The following SLCO3A1 variants were observed in gnomAD, a reference collection of about 807,000 sequenced individuals.
SLCO3A1 encodes the protein PGE1 transporter.
A neutral mutation model predicts 63.1 loss-of-function variants in SLCO3A1; 27 were observed. The observed-to-expected ratio is 0.43, with a 90% confidence interval of 0.32 to 0.59. The LOEUF (loss-of-function observed/expected upper bound fraction) is 0.59. SLCO3A1 is among the 20% of genes least tolerant of loss of function. The probability of loss-of-function intolerance (pLI) is 0.09; values close to 1 mark genes in which losing one functional copy is unlikely to be tolerated. For missense variants in SLCO3A1, 773 were observed against 945.8 expected, an observed-to-expected ratio of 0.82 and a Z score of 2.40; for synonymous variants, 473 against 409.9, an observed-to-expected ratio of 1.15 and a Z score of -1.86.
At chr15:92,148,475 G>C (rs1246875577) in intron 8 of SLCO3A1, among the ~76,000 whole-genome samples, 1 of 152,140 alleles carries the variant, frequency 6.6e-6, no homozygotes, top group Non-Finnish European at 1.5e-5. Context: ...AATGTGCAGA[G>C]CATTAGGGTA....
intron 2 of SLCO3A1, among the ~76,000 whole-genome samples, chr15:91,980,717 C>T (rs1457553476): frequency 6.6e-6 from 1 of 152,094 alleles, no homozygotes; most frequent in Non-Finnish European, 1.5e-5. Context: ...GAGTGTGTCT[C>T]TTGGTGCCCT....
chr15:91,895,901 A>G (rs1257845545), intron 1 of SLCO3A1, among the ~76,000 whole-genome samples: 1 of 152,256 alleles, frequency 6.6e-6, no homozygotes, highest in Non-Finnish European at 1.5e-5. Flanking sequence ...TTTCAAAACT[A>G]GGCAGTGTCA....
At chr15:92,144,579 C>T (rs915009743) in intron 7 of SLCO3A1, among the ~76,000 whole-genome samples, 6 of 152,154 alleles carry the variant, frequency 3.9e-5, no homozygotes, top group Non-Finnish European at 8.8e-5. Context: ...AGAGGTTCTG[C>T]CTGTGTCTGT....
chr15:91,990,761 C>T (rs1187899872), intron 2 of SLCO3A1, among the ~76,000 whole-genome samples: 1 of 152,124 alleles, frequency 6.6e-6, no homozygotes, highest in African/African-American at 2.4e-5. Context: ...GACGCATTTG[C>T]TGTTGCCTAG....
chr15:91,964,635 C>T (rs1489114571), intron 2 of SLCO3A1, among the ~76,000 whole-genome samples: 1 of 152,086 alleles, frequency 6.6e-6, no homozygotes, highest in Non-Finnish European at 1.5e-5. Flanking sequence ...GGAAGTGGCA[C>T]CTCATTGGCC....
At chr15:92,008,901 A>G (rs193246686) in intron 2 of SLCO3A1, among the ~76,000 whole-genome samples, 8 of 152,334 alleles carry the variant, frequency 5.3e-5, no homozygotes, top group African/African-American at 1.4e-4. Flanking sequence ...CTGTCTACCA[A>G]GAAGAGCAAT....
chr15:92,067,455 A>G (rs1382680302), intron 2 of SLCO3A1, among the ~76,000 whole-genome samples: 2 of 152,236 alleles, frequency 1.3e-5, no homozygotes, highest in African/African-American at 2.4e-5. Flanking sequence ...AATGACATTA[A>G]GAGACTGAAC....
chr15:91,961,816 A>G (rs1412683433), intron 2 of SLCO3A1, among the ~76,000 whole-genome samples: 2 of 152,214 alleles, frequency 1.3e-5, no homozygotes, highest in Non-Finnish European at 2.9e-5. Context: ...TGCCAGCTCT[A>G]TGAGAGCGAC....
rs1567088067 is a variant in SLCO3A1 at position 92,047,590 on chromosome 15, T to TA, written c.647-47290dup. 1.0e-3 allele frequency among the ~76,000 whole-genome samples: 9 copies of TA among 9,016 alleles called. 3 individuals carry two copies. The highest frequency in any genetic ancestry group is 2.1e-3 in the Non-Finnish European group (8 of 3,800). The allele number at this position is 9,016 out of a possible 152,430, so 5.9% of individuals were successfully genotyped here. ...TATATAAATATATATATAATATATA[T>TA]ATAATATATAATATATATATAATAT... is the stretch of plus-strand genomic sequence containing the variant. On this transcript the variant is annotated intron_variant, in intron 2 of 9. Coordinates refer to ENST00000318445, the MANE Select transcript of SLCO3A1 (RefSeq NM_013272.4).
chr15:92,160,956 G>C (rs558920912), intron 9 of SLCO3A1, among the ~76,000 whole-genome samples: 4 of 151,800 alleles, frequency 2.6e-5, no homozygotes, highest in African/African-American at 9.7e-5. Context: ...ATACAGGTTT[G>C]ATTTTATGGG....
chr15:91,920,249 C>G (rs998731508), intron 2 of SLCO3A1, among the ~76,000 whole-genome samples: 2 of 152,148 alleles, frequency 1.3e-5, no homozygotes, highest in African/African-American at 4.8e-5. Context: ...TGTCTGGGAT[C>G]TGCTCACGAG....
chr15:92,094,975 C>A lies in SLCO3A1; in HGVS notation c.741C>A (p.Asp247Glu). 6.3e-7 allele frequency: 1 copy of A among 1,594,096 alleles called. No individual in the cohort carries two copies. The highest frequency in any genetic ancestry group is 8.6e-7 in the Non-Finnish European group (1 of 1,161,700). ...TCTACGTGGATGCGGTCTTCATTGA[C>A]ACAAGTAAGGAATATATCTCCATGT... is the stretch of plus-strand genomic sequence containing the variant. The part of the protein sequence containing the change: ...TKIYVDAVFI[D>E]TSNLDITPDD... Residue 247 changes from aspartate to glutamate, a missense_variant, in exon 3 of 10, where the codon GAC (aspartate) becomes GAA (glutamate). This residue lies in a region of SLCO3A1 where 565 missense variants were observed against 749.8 expected (regional missense o/e 0.75). Coordinates refer to ENST00000318445, the MANE Select transcript of SLCO3A1 (RefSeq NM_013272.4).
chr15:92,104,398 C>T lies in SLCO3A1; in HGVS notation c.865C>T (p.Leu289=). 1.2e-6 allele frequency: 2 copies of T among 1,614,194 alleles called. No homozygotes were observed. Among genetic ancestry groups the T allele is most frequent in the Non-Finnish European group, 1.7e-6 (2 of 1,180,044 alleles). ...CTTGATGTTTGGGTTTCCACAGTCC[C>T]TGCCCCCGCACTCAGAGCCCGCCAT... The part of the protein sequence containing the change: ...SLLMFGFPQS[L]PPHSEPAMES... Residue 289 remains leucine (L), a synonymous_variant, in exon 4 of 10, where the codon CTG becomes TTG. Transcript: ENST00000318445.
chr15:92,158,433 T>C (rs1366337494), intron 9 of SLCO3A1, among the ~76,000 whole-genome samples: 1 of 152,222 alleles, frequency 6.6e-6, no homozygotes, highest in Non-Finnish European at 1.5e-5. Flanking sequence ...ATAATCTCAC[T>C]CTCAGTTTAT....
rs1383704732 is a variant in SLCO3A1, at chr15:92,164,791, A to G, written c.*1656A>G. 1.0e-6 allele frequency: 1 copy of G among 985,206 alleles called. No homozygotes were observed. The highest frequency in any genetic ancestry group is 1.7e-5 in the African/African-American group (1 of 57,202). 61.0% of individuals were successfully genotyped at this position (985,206 alleles called of 1,614,324 possible). A position where few individuals can be genotyped will look rare whatever the true frequency, so the allele number is the denominator to read the frequency against. On this transcript the variant is annotated 3_prime_UTR_variant, in exon 10 of 10. Coordinates refer to ENST00000318445, the MANE Select transcript of SLCO3A1 (RefSeq NM_013272.4). ...ATTTGGGGTAAGAATCACGTTGGAA[A>G]ACCTCTCGCAACCAGCACACTAGGC... is the stretch of plus-strand genomic sequence containing the variant.
At position 91,916,758 on chromosome 15, in the gene SLCO3A1, C is replaced by T. The variant is rs1330594522; in HGVS notation, c.646+300C>T. Among the ~76,000 whole-genome samples the T allele has an allele frequency of 6.6e-6, 1 of 152,078 alleles. No individual in the cohort carries two copies. The highest frequency in any genetic ancestry group is 1.5e-5 in the Non-Finnish European group (1 of 68,010). The stretch of plus-strand genomic sequence containing the variant: ...TATGTTTATCTCTTCTTTTTGAGTG[C>T]GTATGTGGACTTTGGGCTTTCTGAT... On this transcript the variant is annotated intron_variant, in intron 2 of 9. Transcript: ENST00000318445. This position sits in a 1 kb window ranked among gnomAD's most constrained non-coding sequence, Gnocchi z 6.2.
At chr15:91,892,085 G>A (rs1897884785) in intron 1 of SLCO3A1, among the ~76,000 whole-genome samples, 2 of 152,162 alleles carry the variant, frequency 1.3e-5, no homozygotes, top group Non-Finnish European at 1.5e-5. Flanking sequence ...CCTCCCCCCA[G>A]CTTTGCCCTT....
At chr15:92,043,787 A>G (rs1277478244) in intron 2 of SLCO3A1, among the ~76,000 whole-genome samples, 1 of 152,208 alleles carries the variant, frequency 6.6e-6, no homozygotes, top group Non-Finnish European at 1.5e-5. Context: ...TAATTCATTC[A>G]GTTCTTACTC....
At position 92,164,433 on chromosome 15, in the gene SLCO3A1, G is replaced by C. The variant is rs1422819710; in HGVS notation, c.*1298G>C. 1 of 985,286 alleles carries C rather than the reference G, an allele frequency of 1.0e-6. No homozygotes were observed. The highest frequency in any genetic ancestry group is 1.7e-5 in the African/African-American group (1 of 57,222). The allele number at this position is 985,286 out of a possible 1,614,324, so 61.0% of individuals were successfully genotyped here. A position where few individuals can be genotyped will look rare whatever the true frequency, so the allele number is the denominator to read the frequency against. On this transcript the variant is annotated 3_prime_UTR_variant, in exon 10 of 10. Transcript: ENST00000318445. ...TTTGCCTTTTAGCTTCCTTCCCCAT[G>C]ATTCAGTGATCACTGTCACGGGAAA...
Sources: allele counts gnomAD v4.1 joint callset (sites outside exome capture counted in the v4.1 genomes callset), GRCh38; gene constraint gnomAD v4.1.1; regional missense constraint gnomAD v4.1.1; non-coding constraint Gnocchi (gnomAD v3.1); transcripts MANE v1.5; gene names NCBI Gene and HGNC (gene_info 2026-07-23, HGNC 2026-07-21).